CHD2: variants seen among roughly 807,000 people sequenced by gnomAD.
CHD2 encodes the protein ATP-dependent chromatin remodeler CHD2.
CHD2 carries 28 observed loss-of-function variants against 243.9 expected under a neutral mutation model. The observed-to-expected ratio is 0.11, with a 90% CI of 0.09 to 0.16. CHD2 has a LOEUF of 0.16. CHD2 is among the 10% of genes least tolerant of loss of function. The pLI is 1.00. For synonymous variants in CHD2, 775 were observed against 779.0 expected, an observed-to-expected ratio of 0.99 and a Z score of 0.09; for missense variants, 1,386 against 2,209.8, an observed-to-expected ratio of 0.63 and a Z score of 7.47.
At chr15:92,920,916 G>T (rs891732381) in intron 2 of CHD2, among the ~76,000 whole-genome samples, 9 of 152,220 alleles carry the variant, frequency 5.9e-5, no homozygotes, top group Admixed American at 5.9e-4. Context: ...CAAGCGGCCA[G>T]ATTACTCGAT....
At position 92,960,705 on chromosome 15, in the gene CHD2, G is replaced by GTTTTTTT. The variant is rs71467745; in HGVS notation, c.2000+4077_2000+4083dup. Among the ~76,000 whole-genome samples, 74 of 51,470 alleles carry GTTTTTTT rather than the reference G, an allele frequency of 1.4e-3. 11 individuals are homozygous for GTTTTTTT. Among genetic ancestry groups the GTTTTTTT allele is most frequent in the Non-Finnish European group, 2.3e-3 (62 of 27,228 alleles). 33.8% of individuals were successfully genotyped at this position (51,470 alleles called of 152,430 possible). On this transcript the variant is annotated intron_variant, in intron 16 of 38. Coordinates refer to ENST00000394196, the MANE Select transcript of CHD2 (RefSeq NM_001271.4). ...TTAAAGATTTTTGCATCTGTTTGGT[G>GTTTTTTT]TTTTTTTTTTTTTTTTTTTTTTTTT...
intron 34 of CHD2, among the ~76,000 whole-genome samples, chr15:93,006,157 T>G (rs554049180): frequency 2.7e-4 from 41 of 149,454 alleles, no homozygotes; most frequent in African/African-American, 9.6e-4. Flanking sequence ...GGCAGAGTCT[T>G]GCTCTGTTGC....
rs1412783186 is a variant in CHD2, at chr15:92,998,942, G to A, written c.4008+321G>A. 6.6e-6 allele frequency among the ~76,000 whole-genome samples: 1 copy of A among 151,776 alleles called. No homozygotes were observed. The highest frequency in any genetic ancestry group is 2.4e-5 in the African/African-American group (1 of 41,300). ...ACTAAAAATACAAAAAAATTAGCCG[G>A]GCGTGGTGGCACACGCCTGTAATCC... On this transcript the variant is annotated intron_variant, in intron 31 of 38. Coordinates refer to ENST00000394196, the MANE Select transcript of CHD2 (RefSeq NM_001271.4). The surrounding 1 kb of genome is among the most constrained non-coding windows in gnomAD (Gnocchi z 5.1).
In CHD2 at chr15:92,952,084, A is replaced by G. The variant is rs1007725647; in HGVS notation, c.1503-1273A>G. On this transcript the variant is annotated intron_variant, in intron 13 of 38. Transcript: ENST00000394196. ...TAATGTTTGCAATCTGATGTCTTAC[A>G]TGTAATCCTAATTTCCTGCCAAAAT... Among the ~76,000 whole-genome samples, 8 of 152,336 alleles carry G rather than the reference A, an allele frequency of 5.3e-5. No individual in the cohort carries two copies. In the East Asian group the frequency reaches 5.8e-4, roughly 11 times the overall value.
At chr15:92,923,121 G>C (rs1433071325) in intron 2 of CHD2, among the ~76,000 whole-genome samples, 1 of 152,078 alleles carries the variant, frequency 6.6e-6, no homozygotes, top group Non-Finnish European at 1.5e-5. Context: ...TATAAGGCAG[G>C]GCCTCTGGAT....
At chr15:92,942,018 A>C in intron 8 of CHD2, 63 bp downstream of exon 8, 11 of 1,484,814 alleles carry the variant, frequency 7.4e-6, no homozygotes, top group Non-Finnish European at 1.0e-5. Flanking sequence ...GATTTTAGGT[A>C]TTTTAACTCT....
intron 2 of CHD2, among the ~76,000 whole-genome samples, chr15:92,923,561 GTTT>G (rs1199703270): frequency 8.2e-6 from 1 of 121,530 alleles, no homozygotes. Context: ...TGTCCAGCTT[GTTT>G]TTTTTTTTTT....
At chr15:92,908,021 T>TC (rs1162527107) in intron 2 of CHD2, among the ~76,000 whole-genome samples, 1 of 150,308 alleles carries the variant, frequency 6.7e-6, no homozygotes, top group African/African-American at 2.5e-5. Flanking sequence ...TTTTTTTTTT[T>TC]TTTTTTGAGA....
Position 93,024,552 on chromosome 15 carries a change from C to T in CHD2, c.5334C>T (p.Pro1778=). The T allele has an allele frequency of 6.2e-7, 1 of 1,614,216 alleles. No individual in the cohort carries two copies. Among genetic ancestry groups the T allele is most frequent in the Non-Finnish European group, 8.5e-7 (1 of 1,180,032 alleles). The change falls in exon 39 of 39, where the codon CCC becomes CCT. Residue 1778 remains proline (P), a synonymous_variant. Transcript: ENST00000394196. ...DKLGEYKQPL[P]PLHPAVSDPR... is the part of the protein sequence containing the mutation. ...TGGGGGAATATAAACAGCCTCTACC[C>T]CCATTGCACCCTGCAGTCTCAGATC...
chr15:93,013,212 G>A (rs2388056), intron 36 of CHD2, among the ~76,000 whole-genome samples: 110,094 of 152,076 alleles, frequency 0.72, 41,157 homozygotes, highest in East Asian at 0.97. Context: ...AGTAGTTGAT[G>A]ATTTAATTTT....
At chr15:92,967,812 A>G (rs2053787062) in intron 17 of CHD2, among the ~76,000 whole-genome samples, 1 of 151,896 alleles carries the variant, frequency 6.6e-6, no homozygotes, top group Non-Finnish European at 1.5e-5. Context: ...TATTAAGCAA[A>G]ATTTCAATAC....
chr15:92,937,747 A>G (rs1755526706), intron 6 of CHD2, 122 bp downstream of exon 6: 2 of 689,028 alleles, frequency 2.9e-6, no homozygotes, highest in South Asian at 2.3e-5. Context: ...TCTGCGTTTT[A>G]GATATCTGTG....
Position 92,979,152 on chromosome 15 carries a change from A to G in CHD2, c.2745A>G (p.Leu915=), listed in dbSNP as rs1567150238. ...GQKKQVNIYR[L]VTKGTVEEEI... ...TCCTACAGGTAAATATTTACCGCTT[A>G]GTTACAAAGGGGACTGTGGAGGAGG... The change falls in exon 22 of 39, where the codon TTA becomes TTG. Residue 915 remains leucine, a synonymous_variant. Coordinates refer to ENST00000394196, the MANE Select transcript of CHD2 (RefSeq NM_001271.4). 5 of 1,613,856 alleles carry G rather than the reference A, an allele frequency of 3.1e-6. No homozygotes were observed. The African/African-American group carries it at 5.3e-5, about 17-fold the overall frequency.
chr15:92,906,964 A>G (rs1218677192), intron 2 of CHD2, among the ~76,000 whole-genome samples: 2 of 152,208 alleles, frequency 1.3e-5, no homozygotes, highest in East Asian at 3.9e-4. Context: ...CTTTAGGGTT[A>G]TCAGTATAAA....
chr15:92,961,205 A>G (rs1048627189), intron 16 of CHD2, among the ~76,000 whole-genome samples: 1 of 152,220 alleles, frequency 6.6e-6, no homozygotes, highest in Non-Finnish European at 1.5e-5. Flanking sequence ...AGAATTCACC[A>G]GTGTAGCCAT....
chr15:92,998,305 A>G lies in CHD2; in HGVS notation c.3886-194A>G. ...GCTGGATTTCTCCATCCCATTTTGT[A>G]AAATGAGAACGGCTCGTGAGGGATT... is the stretch of plus-strand genomic sequence containing the variant. On this transcript the variant is annotated intron_variant, in intron 30 of 38. Transcript: ENST00000394196. This position sits in a 1 kb window ranked among gnomAD's most constrained non-coding sequence, Gnocchi z 5.1. 1 of 1,322,364 alleles carries G rather than the reference A, an allele frequency of 7.6e-7. No homozygotes were observed. Among genetic ancestry groups the G allele is most frequent in the Non-Finnish European group, 9.8e-7 (1 of 1,018,760 alleles). The allele number at this position is 1,322,364 out of a possible 1,614,324, so 81.9% of individuals were successfully genotyped here. A position where few individuals can be genotyped will look rare whatever the true frequency, so the allele number is the denominator to read the frequency against.
chr15:92,927,936 T>A (rs2053094064), intron 4 of CHD2, among the ~76,000 whole-genome samples: 1 of 152,218 alleles, frequency 6.6e-6, no homozygotes, highest in African/African-American at 2.4e-5. Flanking sequence ...CAGACTTCTT[T>A]CACCTTTCTC....
Position 92,978,704 on chromosome 15 carries a change from G to T in CHD2, c.2727+321G>T, listed in dbSNP as rs534083693. Among the ~76,000 whole-genome samples, 249 of 152,270 alleles carry T rather than the reference G, an allele frequency of 1.6e-3. 1 individual carries two copies. Among genetic ancestry groups the T allele is most frequent in the Middle Eastern group, 0.014 (4 of 294 alleles). ...GTATGGAAAAGTTAAATATCCTATT[G>T]TTCAAGATGGTTTGTTTTTATTATA... is the stretch of plus-strand genomic sequence containing the variant. On this transcript the variant is annotated intron_variant, in intron 21 of 38. Transcript: ENST00000394196.
intron 21 of CHD2, among the ~76,000 whole-genome samples, chr15:92,978,756 T>A (rs552571473): frequency 6.6e-6 from 1 of 152,354 alleles, no homozygotes; most frequent in African/African-American, 2.4e-5. Flanking sequence ...TTAAAGGTAC[T>A]TTGGAAAACC....
Sources: gnomAD v4.1 joint callset for allele counts (sites outside exome capture counted in the v4.1 genomes callset) on GRCh38, gnomAD v4.1.1 for gene constraint, Gnocchi (gnomAD v3.1) non-coding constraint, MANE v1.5 for transcripts, NCBI Gene and HGNC (gene_info 2026-07-23, HGNC 2026-07-21) for gene names.